The following ANKRD36 variants were observed in gnomAD, a reference collection of about 807,000 sequenced individuals.
ANKRD36 encodes the protein ankyrin repeat domain-containing protein 36A.
In ANKRD36, 179 loss-of-function variants were observed where a neutral mutation model predicts 278.1. The observed-to-expected ratio is 0.64, with a 90% CI of 0.57 to 0.73. The LOEUF (loss-of-function observed/expected upper bound fraction) is 0.73. Ranked by LOEUF, ANKRD36 falls within the 30% of genes least tolerant of loss-of-function variation. The pLI is 0.00. For synonymous variants in ANKRD36, 320 were observed against 641.1 expected (o/e 0.50, Z 7.57); for missense variants, 1,159 against 1,956.7 (o/e 0.59, Z 7.69).
Position 97,157,504 on chromosome 2 carries a change from T to C in ANKRD36, c.1261-603T>C, listed in dbSNP as rs1433246254. Among the ~76,000 whole-genome samples, 7 of 90,212 alleles carry C rather than the reference T, an allele frequency of 7.8e-5. 1 individual carries two copies. The South Asian group carries it at 1.4e-3, about 19-fold the overall frequency. The allele number at this position is 90,212 out of a possible 152,430, so 59.2% of individuals were successfully genotyped here. ...TTGTCAGGATACTTAGTTACAACTT[T>C]CTATTTAGTAACTATGTGTGGCCTT... On this transcript the variant is annotated intron_variant, in intron 15 of 75. Transcript: ENST00000420699.
At chr2:97,184,046 A>G (rs776811564) in intron 28 of ANKRD36, among the ~76,000 whole-genome samples, 11 of 151,708 alleles carry the variant, frequency 7.3e-5, no homozygotes, top group Non-Finnish European at 1.6e-4. Context: ...TTGTCATAAT[A>G]ACCCGTAGAC....
Position 97,158,577 on chromosome 2 carries a change from T to C in ANKRD36, c.1322-11T>C. On this transcript the variant is annotated splice_polypyrimidine_tract_variant and intron_variant, in intron 16 of 75. Transcript: ENST00000420699. ...GCATTTCATCTACTCTTGACTTTGT[T>C]TTTACTGTAGTAGATGCTGCATGTG... 1 of 1,535,730 alleles carries C rather than the reference T, an allele frequency of 6.5e-7. No homozygotes were observed.
intron 6 of ANKRD36, among the ~76,000 whole-genome samples, chr2:97,140,274 A>G (rs1052024775): frequency 6.6e-6 from 1 of 151,532 alleles, no homozygotes; most frequent in African/African-American, 2.4e-5. Flanking sequence ...TGGTGCATTG[A>G]GGAGAGGCAG....
chr2:97,231,330 G>A (rs1279604590), intron 67 of ANKRD36, among the ~76,000 whole-genome samples: 1 of 152,148 alleles, frequency 6.6e-6, no homozygotes, highest in Non-Finnish European at 1.5e-5. Context: ...AAGCAAGCCT[G>A]GGCAATGGCA....
intron 15 of ANKRD36, 109 bp from the exon 16 acceptor site, chr2:97,157,998 T>G: frequency 1.1e-6 from 1 of 929,336 alleles, no homozygotes. Context: ...AATCTACATA[T>G]GAGTGACTTC....
chr2:97,117,403 G>A (rs2035769940), intron 1 of ANKRD36, among the ~76,000 whole-genome samples: 1 of 151,934 alleles, frequency 6.6e-6, no homozygotes, highest in African/African-American at 2.4e-5. Flanking sequence ...AAGGCATCAC[G>A]GATTGGGTGA....
rs781654198 is a variant in ANKRD36 at position 97,219,203 on chromosome 2, G to C, written c.3834G>C (p.Leu1278=). 8.9e-6 allele frequency: 14 copies of C among 1,570,336 alleles called. No homozygotes were observed. In the South Asian group the frequency reaches 1.4e-4, roughly 16 times the overall value. ...KATIENKNSV[L]NTATKMKDVQ... ...CAATTGAAAATAAAAATTCTGTTCT[G>C]AATACAGCCACCAAAATGAAGGATG... is the stretch of plus-strand genomic sequence containing the variant. Residue 1278 remains leucine (L), a synonymous_variant, in exon 66 of 76, where the codon CTG becomes CTC. Coordinates refer to ENST00000420699, the MANE Select transcript of ANKRD36 (RefSeq NM_001354587.1).
intron 22 of ANKRD36, among the ~76,000 whole-genome samples, chr2:97,169,468 G>T (rs1388541050): frequency 1.3e-5 from 2 of 152,266 alleles, no homozygotes; most frequent in Non-Finnish European, 2.9e-5. Flanking sequence ...AAAATAAAGG[G>T]TATTCAAATA....
chr2:97,225,462 G>A (rs1321691025), intron 67 of ANKRD36, among the ~76,000 whole-genome samples: 3 of 151,974 alleles, frequency 2.0e-5, no homozygotes, highest in African/African-American at 4.8e-5. Context: ...ACTGCCTAAT[G>A]TATTTCAATA....
intron 51 of ANKRD36, 33 bp downstream of exon 51, chr2:97,206,001 T>G (rs751887996): frequency 4.5e-6 from 7 of 1,547,936 alleles, no homozygotes; most frequent in Non-Finnish European, 6.1e-6. Flanking sequence ...TGTGAACGAG[T>G]TAATATATGG....
In ANKRD36 at chr2:97,187,371, G is replaced by A; in HGVS notation, c.2113G>A (p.Glu705Lys). 2 of 1,605,268 alleles carry A rather than the reference G, an allele frequency of 1.2e-6. No homozygotes were observed. Among genetic ancestry groups the A allele is most frequent in the African/African-American group, 2.7e-5 (2 of 73,962 alleles). ...AGACTCTGTTTCGAATATAGCCACA[G>A]AAATAAAGGATGGAGAAAAATCTGG... Reference protein sequence around the residue: ...EEDSVSNIATEIKDGEKSGTV... With the variant: ...EEDSVSNIATKIKDGEKSGTV... Residue 705 changes from glutamate (E) to lysine (K), a missense_variant, in exon 32 of 76, where the codon GAA becomes AAA. By Grantham distance (56) the Glu-to-Lys change is moderately conservative (BLOSUM62 1). Transcript: ENST00000420699.
intron 67 of ANKRD36, among the ~76,000 whole-genome samples, chr2:97,229,677 A>G (rs1355436834): frequency 6.6e-6 from 1 of 151,926 alleles, no homozygotes; most frequent in Non-Finnish European, 1.5e-5. Context: ...TGATCCTGGC[A>G]TTATGATGTT....
chr2:97,160,036 G>A (rs1315898426), intron 17 of ANKRD36, among the ~76,000 whole-genome samples: 20 of 151,728 alleles, frequency 1.3e-4, no homozygotes, highest in South Asian at 1.1e-3. Flanking sequence ...GCCCGCCTCG[G>A]CCTCCCTAAG....
chr2:97,218,474 T>C (rs1467785303), intron 64 of ANKRD36, among the ~76,000 whole-genome samples: 1 of 149,660 alleles, frequency 6.7e-6, no homozygotes, highest in Non-Finnish European at 1.5e-5. Flanking sequence ...CACATGGGCA[T>C]GATAAATAAT....
intron 36 of ANKRD36, among the ~76,000 whole-genome samples, chr2:97,192,127 T>C (rs1164146511): frequency 6.6e-6 from 1 of 151,766 alleles, no homozygotes. Context: ...AGTAGCAGTT[T>C]TACTCTGTAG....
At chr2:97,175,839 G>A (rs1281095740) in intron 22 of ANKRD36, among the ~76,000 whole-genome samples, 2 of 150,850 alleles carry the variant, frequency 1.3e-5, no homozygotes, top group Non-Finnish European at 3.0e-5. Flanking sequence ...TGTTCTCATT[G>A]GTTTCAAAGA....
intron 68 of ANKRD36, among the ~76,000 whole-genome samples, chr2:97,237,242 C>T (rs2153684258): frequency 6.6e-6 from 1 of 151,452 alleles, no homozygotes; most frequent in Admixed American, 6.6e-5. Context: ...TGTATACCCC[C>T]AATCCAATAC....
rs1197187271 is a variant in ANKRD36 at position 97,146,239 on chromosome 2, TTACAGG to T, written c.1004-245_1004-240del. Among the ~76,000 whole-genome samples the T allele has an allele frequency of 2.6e-5, 4 of 151,678 alleles. No individual in the cohort carries two copies. In the Admixed American group the frequency reaches 2.6e-4, roughly 10 times the overall value. ...ACCTCAGCCTCACAAAGTGCTGGGATTACAGGTGTGACCCACCGAGCCCTGCCTACA... is the reference window on the plus strand; with the variant it reads ...ACCTCAGCCTCACAAAGTGCTGGGATTGTGACCCACCGAGCCCTGCCTACA... On this transcript the variant is annotated intron_variant, in intron 10 of 75. Coordinates refer to ENST00000420699, the MANE Select transcript of ANKRD36 (RefSeq NM_001354587.1).
intron 6 of ANKRD36, among the ~76,000 whole-genome samples, chr2:97,132,938 G>A (rs539544176): frequency 1.3e-5 from 2 of 152,156 alleles, no homozygotes; most frequent in East Asian, 3.9e-4. Flanking sequence ...TCTTATGGAA[G>A]CTAGTTACAT....
Sources: gnomAD v4.1 joint callset for allele counts (sites outside exome capture counted in the v4.1 genomes callset) on GRCh38, gnomAD v4.1.1 for gene constraint, MANE v1.5 for transcripts, NCBI Gene and HGNC (gene_info 2026-07-23, HGNC 2026-07-21) for gene names.